PDE1C: variants seen among roughly 807,000 people sequenced by gnomAD.
PDE1C encodes phosphodiesterase 1C.
In PDE1C, 62 loss-of-function variants were observed where a neutral mutation model predicts 93.1. That is an observed-to-expected ratio of 0.67 (90% CI 0.54 to 0.82). The LOEUF is 0.82. PDE1C is among the 40% of genes least tolerant of loss of function. The probability of loss-of-function intolerance (pLI) is 0.00; values close to 1 mark genes in which losing one functional copy is unlikely to be tolerated. For missense variants in PDE1C, 742 were observed against 884.6 expected, an observed-to-expected ratio of 0.84 and a Z score of 2.04; for synonymous variants, 325 against 310.1, an observed-to-expected ratio of 1.05 and a Z score of -0.50.
chr7:31,766,088 A>C lies in PDE1C; in HGVS notation c.1960+9576T>G, dbSNP rs546228489. Among the ~76,000 whole-genome samples the C allele has an allele frequency of 3.3e-5, 5 of 152,266 alleles. No homozygotes were observed. In the East Asian group the frequency reaches 7.7e-4, roughly 24 times the overall value. ...ATTTGTAGATATGCAATAAATGTTA[A>C]AATATCTGTGGTTGGGCCCGGCGCG... On this transcript the variant is annotated intron_variant, in intron 17 of 17. Coordinates refer to ENST00000396191, the MANE Select transcript of PDE1C (RefSeq NM_001191057.4).
chr7:32,158,079 C>T (rs182174808), intron 3 of PDE1C, among the ~76,000 whole-genome samples: 2 of 152,272 alleles, frequency 1.3e-5, no homozygotes, highest in African/African-American at 4.8e-5. Flanking sequence ...AATTATAACA[C>T]AGGTCCCCTT....
At chr7:32,176,857 C>T (rs1358013221) in intron 2 of PDE1C, among the ~76,000 whole-genome samples, 1 of 151,986 alleles carries the variant, frequency 6.6e-6, no homozygotes, top group Non-Finnish European at 1.5e-5. Flanking sequence ...AGCTCTTATT[C>T]CAGGAGACAG....
intron 17 of PDE1C, among the ~76,000 whole-genome samples, chr7:31,762,695 T>C (rs1179881211): frequency 6.6e-6 from 1 of 152,144 alleles, no homozygotes; most frequent in Non-Finnish European, 1.5e-5. Flanking sequence ...CTCAAGAAAG[T>C]GAGAATGCTG....
the PDE1C span, among the ~76,000 whole-genome samples, chr7:31,680,169 C>T: frequency 1.3e-5 from 2 of 152,198 alleles, no homozygotes; most frequent in South Asian, 4.1e-4. Flanking sequence ...GGATTAGTAA[C>T]CGAATGAAAG....
At chr7:32,282,363 C>T (rs184065583) in intron 1 of PDE1C, among the ~76,000 whole-genome samples, 12 of 151,486 alleles carry the variant, frequency 7.9e-5, no homozygotes, top group Middle Eastern at 3.4e-3. Flanking sequence ...GCAATCCCAG[C>T]TACTCGGGAG....
At chr7:32,041,044 T>C (rs950668265) in intron 2 of PDE1C, among the ~76,000 whole-genome samples, 11 of 152,296 alleles carry the variant, frequency 7.2e-5, no homozygotes, top group African/African-American at 2.6e-4. Context: ...GTGTAAGCCT[T>C]CTGCATAGTG....
chr7:31,978,090 G>T (rs1298142315), intron 2 of PDE1C, among the ~76,000 whole-genome samples: 1 of 152,098 alleles, frequency 6.6e-6, no homozygotes, highest in Non-Finnish European at 1.5e-5. Flanking sequence ...TCAAATCCAG[G>T]CTGTCCAACT....
chr7:32,168,403 T>C (rs1008425709), intron 3 of PDE1C, among the ~76,000 whole-genome samples: 4 of 152,194 alleles, frequency 2.6e-5, no homozygotes, highest in African/African-American at 9.6e-5. Flanking sequence ...AAATAAGATG[T>C]TATTTTCATG....
chr7:32,286,911 T>A (rs1326505807), intron 1 of PDE1C, among the ~76,000 whole-genome samples: 1 of 152,148 alleles, frequency 6.6e-6, no homozygotes, highest in Admixed American at 6.5e-5. Flanking sequence ...AAAAAATGAA[T>A]TAAGTAATTA....
intron 9 of PDE1C, among the ~76,000 whole-genome samples, chr7:31,839,196 A>G (rs181026630): frequency 2.1e-3 from 303 of 147,282 alleles, no homozygotes; most frequent in African/African-American, 7.1e-3. Flanking sequence ...ATGTATACAT[A>G]CATACATACG....
intron 1 of PDE1C, among the ~76,000 whole-genome samples, chr7:32,391,347 A>T (rs906121485): frequency 2.6e-5 from 4 of 152,178 alleles, no homozygotes; most frequent in Non-Finnish European, 4.4e-5. Context: ...CCCAATACAC[A>T]TGAAGCAAAA....
the PDE1C span, chr7:31,697,069 C>T: frequency 6.2e-7 from 1 of 1,614,006 alleles, no homozygotes. Context: ...ACAGAAAAAG[C>T]CAAGGAGAAA....
chr7:32,044,619 G>C (rs1259707706), intron 2 of PDE1C, among the ~76,000 whole-genome samples: 1 of 152,138 alleles, frequency 6.6e-6, no homozygotes, highest in South Asian at 2.1e-4. Context: ...AGAGACAGGT[G>C]ATGAGACTGG....
At chr7:31,639,373 C>CTA in the PDE1C span, among the ~76,000 whole-genome samples, 2 of 151,418 alleles carry the variant, frequency 1.3e-5, no homozygotes, top group Non-Finnish European at 2.9e-5. Flanking sequence ...CTCTAATCTG[C>CTA]TATATATATC....
At chr7:31,728,766 A>C in the PDE1C span, among the ~76,000 whole-genome samples, 4,778 of 152,326 alleles carry the variant, frequency 0.031, 288 homozygotes, top group African/African-American at 0.11. Context: ...GGTAGAGTTA[A>C]GTCCTGCCAG....
At chr7:31,805,085 C>G (rs1026080478) in intron 16 of PDE1C, among the ~76,000 whole-genome samples, 3 of 151,720 alleles carry the variant, frequency 2.0e-5, no homozygotes, top group Non-Finnish European at 4.4e-5. Context: ...TTCCCCTGCA[C>G]ACACTTTCTT....
exon 1 of PDE1C, chr7:32,298,735 T>C (rs963532735): frequency 5.0e-6 from 8 of 1,591,320 alleles, no homozygotes; most frequent in South Asian, 2.3e-5. Context: ...GCGTCCGTCA[T>C]GGCTCGGCCG....
chr7:32,038,897 GAATC>G (rs1447970252), intron 2 of PDE1C, among the ~76,000 whole-genome samples: 1 of 152,150 alleles, frequency 6.6e-6, no homozygotes, highest in East Asian at 1.9e-4. Flanking sequence ...GGCTTCATCA[GAATC>G]TCATCTGTCA....
chr7:31,960,164 C>T (rs965841516), intron 2 of PDE1C, among the ~76,000 whole-genome samples: 3 of 152,174 alleles, frequency 2.0e-5, no homozygotes, highest in Admixed American at 6.6e-5. Context: ...TGTGAGCCAC[C>T]GCGCCCGGCC....
Sources: gnomAD v4.1 joint callset for allele counts (sites outside exome capture counted in the v4.1 genomes callset) on GRCh38, gnomAD v4.1.1 for gene constraint, MANE v1.5 for transcripts, NCBI Gene and HGNC (gene_info 2026-07-23, HGNC 2026-07-21) for gene names.